The following PTPRG variants were observed in gnomAD, a reference collection of about 807,000 sequenced individuals.
The protein encoded by PTPRG is protein tyrosine phosphatase receptor type G, also known as receptor-type tyrosine-protein phosphatase gamma.
Under a neutral mutation model 165.3 loss-of-function variants are expected in PTPRG, and 102 were observed. That is an observed-to-expected ratio of 0.62 (90% CI 0.53 to 0.73). PTPRG has a LOEUF of 0.73. Ranked by LOEUF, PTPRG falls within the 30% of genes least tolerant of loss-of-function variation. PTPRG has a pLI of 0.00. For missense variants in PTPRG, 1,866 were observed against 1,861.4 expected (o/e 1.00, Z -0.05); for synonymous variants, 675 against 669.5 (o/e 1.01, Z -0.13).
chr3:61,872,807 T>C (rs2037620147), intron 2 of PTPRG, among the ~76,000 whole-genome samples: 1 of 152,176 alleles, frequency 6.6e-6, no homozygotes, highest in South Asian at 2.1e-4. Flanking sequence ...TATGACTCTT[T>C]TACATGTCCA....
Position 62,091,095 on chromosome 3 carries a change from T to TA in PTPRG, c.615+12843dup, listed in dbSNP as rs1430047976. ...GATGATAATTAGCAACGACTAGGGT[T>TA]AAAAAATGCCAAAATAAAAGGAAAT... On this transcript the variant is annotated intron_variant, in intron 5 of 29. Coordinates refer to ENST00000474889, the MANE Select transcript of PTPRG (RefSeq NM_002841.4). 2.0e-5 allele frequency among the ~76,000 whole-genome samples: 3 copies of TA among 152,178 alleles called. No homozygotes were observed. In the East Asian group the frequency reaches 5.8e-4, roughly 29 times the overall value.
At chr3:62,277,437 ATTATT>A (rs1702266880) in intron 25 of PTPRG, 109 bp from the exon 26 acceptor site, 11 of 1,213,178 alleles carry the variant, frequency 9.1e-6, no homozygotes, top group Non-Finnish European at 1.1e-5. Context: ...GCCTTTCTCA[ATTATT>A]TTAGTGTAGT....
intron 6 of PTPRG, among the ~76,000 whole-genome samples, chr3:62,147,676 T>C (rs1704173910): frequency 6.6e-6 from 1 of 152,240 alleles, no homozygotes; most frequent in Admixed American, 6.5e-5. Context: ...TACCAATAGC[T>C]ACTGTGCTTG....
intron 12 of PTPRG, among the ~76,000 whole-genome samples, chr3:62,212,001 T>G (rs1230473005): frequency 1.3e-5 from 2 of 151,972 alleles, no homozygotes; most frequent in African/African-American, 4.8e-5. Flanking sequence ...ATGGAGGCAC[T>G]TTACTCAGAT....
At chr3:61,915,676 T>A (rs988271009) in intron 2 of PTPRG, among the ~76,000 whole-genome samples, 3 of 152,210 alleles carry the variant, frequency 2.0e-5, no homozygotes, top group Admixed American at 1.3e-4. Context: ...CTTTCTTCTT[T>A]CTATTTTATT....
intron 2 of PTPRG, among the ~76,000 whole-genome samples, chr3:61,967,204 C>T (rs1217705676): frequency 6.6e-6 from 1 of 152,166 alleles, no homozygotes. Flanking sequence ...GGGCCTATTG[C>T]AGTTATCACA....
chr3:62,170,197 G>C (rs1446668842), intron 8 of PTPRG, among the ~76,000 whole-genome samples: 2 of 152,128 alleles, frequency 1.3e-5, no homozygotes, highest in African/African-American at 2.4e-5. Context: ...AAATATCTTA[G>C]GTTGGGCTGC....
Position 61,724,155 on chromosome 3 carries a change from G to T in PTPRG, c.86-24723G>T, listed in dbSNP as rs550138627. Reference sequence around the variant, plus strand: ...GGCTGAGGCACTGGAGGGGGAGGTTGCAGTGAGCTGAGATCATGCCACTGT... The same window carrying T: ...GGCTGAGGCACTGGAGGGGGAGGTTTCAGTGAGCTGAGATCATGCCACTGT... On this transcript the variant is annotated intron_variant, in intron 1 of 29. Transcript: ENST00000474889. Among the ~76,000 whole-genome samples the T allele has an allele frequency of 3.4e-5, 5 of 149,124 alleles. No individual in the cohort carries two copies. The East Asian group carries it at 1.0e-3, about 30-fold the overall frequency.
chr3:61,571,720 TG>T (rs2106774380), intron 1 of PTPRG, among the ~76,000 whole-genome samples: 1 of 152,356 alleles, frequency 6.6e-6, no homozygotes, highest in Admixed American at 6.5e-5. Context: ...GCTTTGAATA[TG>T]GTTACTTTGT....
chr3:62,032,052 GC>G (rs1191305580), intron 4 of PTPRG, among the ~76,000 whole-genome samples: 2 of 152,328 alleles, frequency 1.3e-5, no homozygotes, highest in East Asian at 3.9e-4. Context: ...ATGCCTTAGG[GC>G]TAATGAGAAT....
chr3:61,590,632 A>T (rs1229804097), intron 1 of PTPRG, among the ~76,000 whole-genome samples: 1 of 152,232 alleles, frequency 6.6e-6, no homozygotes, highest in South Asian at 2.1e-4. Flanking sequence ...GAGTATGAAG[A>T]GATTTGAATA....
Position 62,203,120 on chromosome 3 carries a change from C to T in PTPRG, c.1378-53C>T. 1 of 1,524,516 alleles carries T rather than the reference C, an allele frequency of 6.6e-7. No homozygotes were observed. The highest frequency in any genetic ancestry group is 1.3e-5 in the South Asian group (1 of 76,802). The allele number at this position is 1,524,516 out of a possible 1,614,324, so 94.4% of individuals were successfully genotyped here. On this transcript the variant is annotated intron_variant, in intron 11 of 29. Coordinates refer to ENST00000474889, the MANE Select transcript of PTPRG (RefSeq NM_002841.4). This position sits in a 1 kb window ranked among gnomAD's most constrained non-coding sequence, Gnocchi z 6.4. Reference sequence around the variant, plus strand: ...CCCAATCTCAATTACTGATGCTTCTCTGCTTTTTCTTCTTCTGCCTCTTTT... The same window carrying T: ...CCCAATCTCAATTACTGATGCTTCTTTGCTTTTTCTTCTTCTGCCTCTTTT...
chr3:62,166,255 G>T (rs1704978125), intron 7 of PTPRG, among the ~76,000 whole-genome samples: 1 of 107,536 alleles, frequency 9.3e-6, no homozygotes, highest in Admixed American at 1.3e-4. Flanking sequence ...TAACTTTGTG[G>T]CCTGTTGAGG....
intron 4 of PTPRG, among the ~76,000 whole-genome samples, chr3:62,062,254 G>A (rs547924637): frequency 1.5e-4 from 23 of 152,220 alleles, no homozygotes; most frequent in Admixed American, 5.2e-4. Flanking sequence ...AGCCGAGATT[G>A]TGCCATTGCA....
intron 14 of PTPRG, among the ~76,000 whole-genome samples, chr3:62,242,857 G>A (rs1265837441): frequency 2.0e-5 from 3 of 152,044 alleles, no homozygotes; most frequent in African/African-American, 7.2e-5. Flanking sequence ...GGTGTGCGAC[G>A]CCAGAGGAGG....
chr3:62,115,311 G>GA (rs1460069603), intron 5 of PTPRG, among the ~76,000 whole-genome samples: 45 of 151,940 alleles, frequency 3.0e-4, no homozygotes, highest in Non-Finnish European at 1.0e-4. Context: ...AATCACACAT[G>GA]AAAAAAACCC....
intron 4 of PTPRG, among the ~76,000 whole-genome samples, chr3:62,013,768 G>A (rs143042988): frequency 2.0e-5 from 3 of 151,824 alleles, no homozygotes; most frequent in African/African-American, 7.2e-5. Context: ...GCTTCACTTA[G>A]ATGCTGTACA....
At chr3:61,619,963 G>C (rs1701403048) in intron 1 of PTPRG, among the ~76,000 whole-genome samples, 1 of 152,184 alleles carries the variant, frequency 6.6e-6, no homozygotes, top group Admixed American at 6.5e-5. Context: ...ACATCACACA[G>C]TTGTGTTACT....
chr3:62,030,301 CTG>C (rs948133288), intron 4 of PTPRG, among the ~76,000 whole-genome samples: 3 of 151,630 alleles, frequency 2.0e-5, no homozygotes, highest in African/African-American at 7.3e-5. Context: ...GTTTTTCAAA[CTG>C]ATATTTATCG....
Sources: allele counts gnomAD v4.1 joint callset (sites outside exome capture counted in the v4.1 genomes callset), GRCh38; gene constraint gnomAD v4.1.1; non-coding constraint Gnocchi (gnomAD v3.1); transcripts MANE v1.5; gene names NCBI Gene and HGNC (gene_info 2026-07-23, HGNC 2026-07-21).